IL19: variants seen among roughly 807,000 people sequenced by gnomAD.
IL19 encodes interleukin 19, also known as interleukin-19.
Under a neutral mutation model 19.5 loss-of-function variants are expected in IL19, and 15 were observed. The ratio of observed to expected loss-of-function variants is 0.77; its 90% CI spans 0.52 to 1.19. IL19 has a LOEUF of 1.19. Ranked by LOEUF, IL19 falls within the 50% of genes most tolerant of loss-of-function variation. The pLI, the probability that IL19 is intolerant of heterozygous loss-of-function variation, is 0.00. For synonymous variants in IL19, 78 were observed against 78.3 expected (o/e 1.00, Z 0.02); for missense variants, 199 against 213.1 (o/e 0.93, Z 0.41).
intron 2 of IL19, among the ~76,000 whole-genome samples, chr1:206,804,279 A>G (rs996508406): frequency 1.3e-5 from 2 of 152,236 alleles, no homozygotes; most frequent in Non-Finnish European, 2.9e-5. Context: ...TGTCCGAGTC[A>G]TGACAAAGAG....
chr1:206,798,238 A>G (rs1675575940), intron 1 of IL19, among the ~76,000 whole-genome samples: 1 of 152,090 alleles, frequency 6.6e-6, no homozygotes. Flanking sequence ...GCAGCTGCCT[A>G]GTTCACATTC....
At chr1:206,779,877 C>T (rs1420108733) in intron 1 of IL19, among the ~76,000 whole-genome samples, 1 of 148,980 alleles carries the variant, frequency 6.7e-6, no homozygotes, top group Non-Finnish European at 1.5e-5. Context: ...TTTAAAGAGA[C>T]AGGGTCTTGC....
intron 6 of IL19, among the ~76,000 whole-genome samples, chr1:206,842,169 G>C (rs553634689): frequency 6.6e-6 from 1 of 152,212 alleles, no homozygotes; most frequent in East Asian, 1.9e-4. Context: ...GATGTTCTGG[G>C]ATAACAGAAG....
intron 2 of IL19, among the ~76,000 whole-genome samples, chr1:206,835,704 G>A (rs1316385329): frequency 6.6e-6 from 1 of 152,250 alleles, no homozygotes; most frequent in Admixed American, 6.5e-5. Context: ...AAAGTGCATA[G>A]CAGAGGGCTG....
intron 2 of IL19, among the ~76,000 whole-genome samples, chr1:206,823,692 G>A (rs140035979): frequency 6.6e-6 from 1 of 152,142 alleles, no homozygotes; most frequent in East Asian, 1.9e-4. Flanking sequence ...ACCAAAGCAA[G>A]GATTACTTTT....
At chr1:206,833,867 TTAGC>T in intron 2 of IL19, 1 of 985,442 alleles carries the variant, frequency 1.0e-6, no homozygotes, top group South Asian at 4.7e-5. Flanking sequence ...GGTAAAGCAG[TTAGC>T]TAGCACCTGG....
chr1:206,837,103 T>A, intron 4 of IL19, 80 bp downstream of exon 4: 1 of 1,136,656 alleles, frequency 8.8e-7, no homozygotes, highest in Non-Finnish European at 1.3e-6. Flanking sequence ...AATCCCTACC[T>A]TGTCCCCTTC....
At chr1:206,837,299 T>C (rs1319146622) in intron 4 of IL19, among the ~76,000 whole-genome samples, 1 of 152,058 alleles carries the variant, frequency 6.6e-6, no homozygotes, top group Non-Finnish European at 1.5e-5. Flanking sequence ...GGGGGTAATT[T>C]TGGAAGGTCC....
chr1:206,827,859 C>A (rs1319285251), intron 2 of IL19, among the ~76,000 whole-genome samples: 1 of 152,214 alleles, frequency 6.6e-6, no homozygotes, highest in Non-Finnish European at 1.5e-5. Flanking sequence ...CTGTACCACA[C>A]CCCACCTGGG....
chr1:206,806,117 G>A (rs1430085349), intron 2 of IL19, among the ~76,000 whole-genome samples: 1 of 152,148 alleles, frequency 6.6e-6, no homozygotes. Flanking sequence ...TGATTGGCTT[G>A]GCTTGGGTCA....
chr1:206,841,796 C>T (rs1274335479), intron 6 of IL19, among the ~76,000 whole-genome samples: 1 of 152,194 alleles, frequency 6.6e-6, no homozygotes, highest in East Asian at 1.9e-4. Context: ...AGGCACACAA[C>T]AAGTATTAAC....
intron 2 of IL19, among the ~76,000 whole-genome samples, chr1:206,807,144 C>T (rs999768403): frequency 2.6e-5 from 4 of 152,166 alleles, no homozygotes. Flanking sequence ...CTCATGAGAA[C>T]TCACCCACTA....
intron 5 of IL19, 116 bp downstream of exon 5, chr1:206,840,118 T>G: frequency 2.6e-6 from 3 of 1,153,728 alleles, no homozygotes; most frequent in Non-Finnish European, 3.9e-6. Flanking sequence ...GGAAATTCTC[T>G]GCGCACGTCC....
At chr1:206,822,622 G>A (rs1367931481) in intron 2 of IL19, among the ~76,000 whole-genome samples, 4 of 152,166 alleles carry the variant, frequency 2.6e-5, no homozygotes, top group African/African-American at 9.7e-5. Context: ...AAGGTTGTAA[G>A]GATTAAATAA....
chr1:206,803,665 A>C (rs1412610492), intron 2 of IL19, among the ~76,000 whole-genome samples: 1 of 152,148 alleles, frequency 6.6e-6, no homozygotes, highest in Admixed American at 6.5e-5. Context: ...CAACACAAAA[A>C]CATGCTTACA....
chr1:206,838,950 T>C (rs1159625090), intron 4 of IL19, among the ~76,000 whole-genome samples: 2 of 152,220 alleles, frequency 1.3e-5, no homozygotes, highest in African/African-American at 4.8e-5. Context: ...AGAAGGGTTT[T>C]TGTGTTGCCA....
intron 1 of IL19, among the ~76,000 whole-genome samples, chr1:206,774,487 G>A (rs1470012269): frequency 2.0e-5 from 3 of 152,174 alleles, no homozygotes; most frequent in Non-Finnish European, 4.4e-5. Context: ...TTAGCCTGCA[G>A]GTCTAACCCC....
At chr1:206,798,605 A>G (rs1675587762) in intron 1 of IL19, among the ~76,000 whole-genome samples, 2 of 151,582 alleles carry the variant, frequency 1.3e-5, no homozygotes, top group South Asian at 4.2e-4. Context: ...GCCCCATAAA[A>G]TCTGGCCACC....
chr1:206,821,830 G>A (rs984652753), intron 2 of IL19, among the ~76,000 whole-genome samples: 1 of 152,230 alleles, frequency 6.6e-6, no homozygotes, highest in African/African-American at 2.4e-5. Context: ...TTTGTGGGAA[G>A]GCTGGAAGGA....
Sources: gnomAD v4.1 joint callset for allele counts (sites outside exome capture counted in the v4.1 genomes callset) on GRCh38, gnomAD v4.1.1 for gene constraint, MANE v1.5 for transcripts, NCBI Gene and HGNC (gene_info 2026-07-23, HGNC 2026-07-21) for gene names.